EPHA6: variants seen among roughly 807,000 people sequenced by gnomAD.
The protein encoded by EPHA6 is EPH receptor A6.
In EPHA6, 50 loss-of-function variants were observed where a neutral mutation model predicts 112.0. That is an observed-to-expected ratio of 0.45 (90% CI 0.36 to 0.56). The LOEUF is 0.56. EPHA6 is among the 20% of genes least tolerant of loss of function. The probability of loss-of-function intolerance (pLI) is 0.00; values close to 1 mark genes in which losing one functional copy is unlikely to be tolerated. For synonymous variants in EPHA6, 529 were observed against 490.7 expected (o/e 1.08, Z -1.03); for missense variants, 1,280 against 1,417.4 (o/e 0.90, Z 1.56).
intron 16 of EPHA6, among the ~76,000 whole-genome samples, chr3:97,744,242 C>A (rs776263109): frequency 1.1e-4 from 17 of 151,850 alleles, no homozygotes; most frequent in Non-Finnish European, 2.2e-4. Flanking sequence ...GCAGGTTTTG[C>A]TGTAAAGATA....
chr3:97,632,696 A>G (rs766572136), intron 13 of EPHA6, among the ~76,000 whole-genome samples: 22 of 152,154 alleles, frequency 1.4e-4, no homozygotes, highest in Middle Eastern at 3.4e-3. Flanking sequence ...AACACATTAG[A>G]TATAAAACAG....
intron 3 of EPHA6, among the ~76,000 whole-genome samples, chr3:97,092,235 G>T (rs966238604): frequency 1.5e-4 from 23 of 151,976 alleles, no homozygotes; most frequent in African/African-American, 4.6e-4. Context: ...ATTTAACAGT[G>T]TGTGTCTATA....
chr3:97,513,826 T>C (rs1411667028), intron 10 of EPHA6, among the ~76,000 whole-genome samples: 1 of 152,126 alleles, frequency 6.6e-6, no homozygotes, highest in Non-Finnish European at 1.5e-5. Context: ...CTATGCCCCA[T>C]AAATTTGTAC....
chr3:97,024,495 T>C (rs1188355134), intron 3 of EPHA6, among the ~76,000 whole-genome samples: 2 of 152,286 alleles, frequency 1.3e-5, no homozygotes, highest in East Asian at 3.9e-4. Context: ...TTAAACACTT[T>C]AAGTTCCCAA....
intron 10 of EPHA6, among the ~76,000 whole-genome samples, chr3:97,504,466 G>A (rs1577600742): frequency 6.6e-6 from 1 of 152,174 alleles, no homozygotes; most frequent in Non-Finnish European, 1.5e-5. Flanking sequence ...CATCCTCCTA[G>A]TGTGCATGTG....
At chr3:97,681,949 A>T (rs2031892396) in intron 14 of EPHA6, among the ~76,000 whole-genome samples, 1 of 152,058 alleles carries the variant, frequency 6.6e-6, no homozygotes, top group Non-Finnish European at 1.5e-5. Context: ...TTTTAGAAAG[A>T]TATCTGCTAC....
chr3:97,163,217 C>G (rs1055816244), intron 3 of EPHA6, among the ~76,000 whole-genome samples: 1 of 152,114 alleles, frequency 6.6e-6, no homozygotes, highest in Admixed American at 6.6e-5. Flanking sequence ...TATTCCAATT[C>G]CTCTAAGTTT....
intron 5 of EPHA6, among the ~76,000 whole-genome samples, chr3:97,276,211 G>A (rs908942747): frequency 1.3e-5 from 2 of 152,076 alleles, no homozygotes; most frequent in Non-Finnish European, 2.9e-5. Flanking sequence ...GATGGTCTAG[G>A]GGGCTTCCGA....
chr3:97,583,534 G>GT (rs2093460314), intron 11 of EPHA6, among the ~76,000 whole-genome samples: 1 of 148,418 alleles, frequency 6.7e-6, no homozygotes, highest in Non-Finnish European at 1.5e-5. Context: ...GCAAGACTCT[G>GT]TCTCAAAAAA....
chr3:97,474,503 G>C (rs1484046270), intron 7 of EPHA6, among the ~76,000 whole-genome samples: 1 of 151,626 alleles, frequency 6.6e-6, no homozygotes, highest in African/African-American at 2.4e-5. Context: ...TGTGGGCTTG[G>C]GCAATTTCTT....
intron 14 of EPHA6, among the ~76,000 whole-genome samples, chr3:97,709,951 T>G (rs2033881126): frequency 6.6e-6 from 1 of 152,232 alleles, no homozygotes. Flanking sequence ...TCAACCCCTT[T>G]TGTTTATAAA....
intron 5 of EPHA6, among the ~76,000 whole-genome samples, chr3:97,347,667 T>C (rs545331363): frequency 6.6e-6 from 1 of 152,206 alleles, no homozygotes; most frequent in South Asian, 2.1e-4. Context: ...AAAAGAGCCA[T>C]AATTCTTAGA....
chr3:97,566,206 A>AAAAAAAT (rs2093264387), intron 11 of EPHA6, among the ~76,000 whole-genome samples: 1 of 152,112 alleles, frequency 6.6e-6, no homozygotes, highest in Non-Finnish European at 1.5e-5. Flanking sequence ...AATTTTAAGC[A>AAAAAAAT]ACCAGATCTT....
chr3:97,039,255 A>C (rs2045226307), intron 3 of EPHA6, among the ~76,000 whole-genome samples: 1 of 152,092 alleles, frequency 6.6e-6, no homozygotes, highest in Admixed American at 6.6e-5. Flanking sequence ...AAGTTAATAA[A>C]GGAGAGAAAA....
intron 14 of EPHA6, among the ~76,000 whole-genome samples, chr3:97,649,091 T>A (rs192436349): frequency 6.6e-6 from 1 of 152,160 alleles, no homozygotes; most frequent in Non-Finnish European, 1.5e-5. Flanking sequence ...TAGTCTGTTT[T>A]CTCGCTGCTA....
chr3:97,654,062 AT>A (rs1263328717), intron 14 of EPHA6, among the ~76,000 whole-genome samples: 1 of 151,882 alleles, frequency 6.6e-6, no homozygotes, highest in Non-Finnish European at 1.5e-5. Flanking sequence ...CTAATACACA[AT>A]ACTAAATTTA....
chr3:97,559,582 A>T (rs570970279), intron 11 of EPHA6: 7 of 454,250 alleles, frequency 1.5e-5, no homozygotes, highest in Middle Eastern at 3.3e-4. Flanking sequence ...CTTCTTTCTC[A>T]TATTTCAGAG....
chr3:97,177,455 C>T (rs2076867936), intron 3 of EPHA6, among the ~76,000 whole-genome samples: 1 of 151,878 alleles, frequency 6.6e-6, no homozygotes, highest in Admixed American at 6.6e-5. Flanking sequence ...GAAGATCTGT[C>T]CAGTGCTGAA....
chr3:97,624,979 G>C (rs1435042763), intron 13 of EPHA6, among the ~76,000 whole-genome samples: 1 of 151,102 alleles, frequency 6.6e-6, no homozygotes, highest in Non-Finnish European at 1.5e-5. Context: ...TGATTTTGTT[G>C]TTCTTTTGGA....
Sources: allele counts gnomAD v4.1 joint callset (sites outside exome capture counted in the v4.1 genomes callset), GRCh38; gene constraint gnomAD v4.1.1; transcripts MANE v1.5; gene names NCBI Gene and HGNC (gene_info 2026-07-23, HGNC 2026-07-21).